ADCY2: variants seen among roughly 807,000 people sequenced by gnomAD.
The protein encoded by ADCY2 is adenylate cyclase 2.
In ADCY2, 31 loss-of-function variants were observed where a neutral mutation model predicts 125.2. The observed-to-expected ratio is 0.25, with a 90% CI of 0.19 to 0.33. ADCY2 has a LOEUF of 0.33. Among genes scored for constraint, ADCY2 ranks in the 10% least tolerant of loss-of-function variants. The probability of loss-of-function intolerance (pLI) is 1.00; values close to 1 mark genes in which losing one functional copy is unlikely to be tolerated. For synonymous variants in ADCY2, 512 were observed against 548.4 expected, an observed-to-expected ratio of 0.93 and a Z score of 0.93; for missense variants, 904 against 1,418.2, an observed-to-expected ratio of 0.64 and a Z score of 5.82.
At chr5:7,808,262 T>A (rs571611469) in intron 22 of ADCY2, among the ~76,000 whole-genome samples, 1 of 152,186 alleles carries the variant, frequency 6.6e-6, no homozygotes, top group Admixed American at 6.5e-5. Context: ...TTAGCCACCA[T>A]CCAGACTATA....
At chr5:7,526,275 G>A (rs764112852) in intron 3 of ADCY2, among the ~76,000 whole-genome samples, 3 of 152,196 alleles carry the variant, frequency 2.0e-5, no homozygotes, top group Non-Finnish European at 4.4e-5. Context: ...CTTTAGGGCT[G>A]AATCATGCAG....
At chr5:7,762,334 C>T (rs1417542050) in intron 16 of ADCY2, among the ~76,000 whole-genome samples, 1 of 152,238 alleles carries the variant, frequency 6.6e-6, no homozygotes, top group African/African-American at 2.4e-5. Context: ...TCTTATTAAT[C>T]ACAGAAGAGG....
chr5:7,647,492 C>T (rs576978126), intron 4 of ADCY2, among the ~76,000 whole-genome samples: 1 of 152,290 alleles, frequency 6.6e-6, no homozygotes, highest in Admixed American at 6.5e-5. Flanking sequence ...CCATCTCCAC[C>T]TGCTTTCCAT....
At chr5:7,541,690 C>T (rs1044143359) in intron 3 of ADCY2, among the ~76,000 whole-genome samples, 1 of 152,054 alleles carries the variant, frequency 6.6e-6, no homozygotes, top group East Asian at 1.9e-4. Flanking sequence ...TGTTGGGTGA[C>T]GGAGGAGAGG....
chr5:7,805,036 C>T (rs1394543520), intron 22 of ADCY2, among the ~76,000 whole-genome samples: 1 of 152,120 alleles, frequency 6.6e-6, no homozygotes, highest in Non-Finnish European at 1.5e-5. Context: ...ATAGTCAAGG[C>T]CGTGTGCGGT....
chr5:7,593,638 A>T (rs1736916571), intron 3 of ADCY2, among the ~76,000 whole-genome samples: 1 of 152,188 alleles, frequency 6.6e-6, no homozygotes, highest in Non-Finnish European at 1.5e-5. Flanking sequence ...TGGAATACTG[A>T]CCCAAACAGA....
intron 3 of ADCY2, among the ~76,000 whole-genome samples, chr5:7,585,636 T>C (rs902729774): frequency 6.6e-6 from 1 of 152,230 alleles, no homozygotes; most frequent in African/African-American, 2.4e-5. Flanking sequence ...AAACAGTTAA[T>C]AGTTCCACCT....
chr5:7,739,551 G>A (rs1742353873), intron 14 of ADCY2, among the ~76,000 whole-genome samples: 1 of 151,552 alleles, frequency 6.6e-6, no homozygotes, highest in African/African-American at 2.4e-5. Flanking sequence ...AATTAGAAAG[G>A]CATAAATACT....
chr5:7,479,271 A>T (rs542208596), intron 2 of ADCY2, among the ~76,000 whole-genome samples: 4 of 149,234 alleles, frequency 2.7e-5, no homozygotes, highest in East Asian at 3.9e-4. Context: ...TCGCAGAAAC[A>T]CTGTACTGGC....
At chr5:7,807,713 T>C (rs554409709) in intron 22 of ADCY2, among the ~76,000 whole-genome samples, 34 of 152,328 alleles carry the variant, frequency 2.2e-4, no homozygotes, top group African/African-American at 5.8e-4. Context: ...CAGCTTCCTA[T>C]AGACACCCTG....
chr5:7,582,836 A>G (rs1275976963), intron 3 of ADCY2, among the ~76,000 whole-genome samples: 1 of 152,142 alleles, frequency 6.6e-6, no homozygotes, highest in Non-Finnish European at 1.5e-5. Context: ...CTTCTATTTA[A>G]TATTTACTGC....
intron 3 of ADCY2, among the ~76,000 whole-genome samples, chr5:7,585,415 C>T (rs1028262416): frequency 1.3e-5 from 2 of 152,154 alleles, no homozygotes; most frequent in African/African-American, 4.8e-5. Flanking sequence ...TTTATCCTAG[C>T]AGACACATAC....
intron 18 of ADCY2, among the ~76,000 whole-genome samples, chr5:7,773,786 A>G (rs1235028700): frequency 1.3e-5 from 2 of 152,222 alleles, no homozygotes; most frequent in Non-Finnish European, 2.9e-5. Context: ...AGCAAGAATG[A>G]TTCTACCAGG....
Position 7,779,292 on chromosome 5 carries a change from G to T in ADCY2, c.2385-5073G>T, listed in dbSNP as rs1027989376. 1.8e-4 allele frequency among the ~76,000 whole-genome samples: 27 copies of T among 152,218 alleles called. 1 individual carries two copies. Among genetic ancestry groups the T allele is most frequent in the Admixed American group, 1.8e-3 (27 of 15,280 alleles). On this transcript the variant is annotated intron_variant, in intron 18 of 24. Coordinates refer to ENST00000338316, the MANE Select transcript of ADCY2 (RefSeq NM_020546.3). ...TGTGGTTTGGACTCATCTGCAGGAA[G>T]AAACTCGATATTTAGGCTCTTTTGT...
chr5:7,564,305 C>T (rs1735818461), intron 3 of ADCY2, among the ~76,000 whole-genome samples: 1 of 152,118 alleles, frequency 6.6e-6, no homozygotes, highest in Non-Finnish European at 1.5e-5. Context: ...ATTTAATATT[C>T]TCTTCTTATT....
At chr5:7,772,896 T>A (rs748455650) in intron 17 of ADCY2, 36 bp from the exon 18 acceptor site, 5 of 1,599,334 alleles carry the variant, frequency 3.1e-6, no homozygotes, top group Non-Finnish European at 4.3e-6. Context: ...TCAGAAGAGA[T>A]CCTAAGTATC....
At chr5:7,446,721 A>G (rs551822902) in intron 2 of ADCY2, among the ~76,000 whole-genome samples, 7 of 152,342 alleles carry the variant, frequency 4.6e-5, no homozygotes, top group African/African-American at 1.7e-4. Context: ...GAGTGAACAC[A>G]CAGTTGGATC....
At chr5:7,469,407 T>C (rs1416910031) in intron 2 of ADCY2, among the ~76,000 whole-genome samples, 1 of 151,998 alleles carries the variant, frequency 6.6e-6, no homozygotes, top group Non-Finnish European at 1.5e-5. Context: ...TGAATGGCTC[T>C]ATCCTATTTG....
chr5:7,550,959 G>A (rs1244816770), intron 3 of ADCY2, among the ~76,000 whole-genome samples: 1 of 152,056 alleles, frequency 6.6e-6, no homozygotes, highest in Non-Finnish European at 1.5e-5. Context: ...AGAGTCACTT[G>A]ATTTAAGAAG....
Sources: allele counts gnomAD v4.1 joint callset (sites outside exome capture counted in the v4.1 genomes callset), GRCh38; gene constraint gnomAD v4.1.1; transcripts MANE v1.5; gene names NCBI Gene and HGNC (gene_info 2026-07-23, HGNC 2026-07-21).